DPF3: variants seen among roughly 807,000 people sequenced by gnomAD.
DPF3 encodes zinc finger protein DPF3.
In DPF3, 18 loss-of-function variants were observed where a neutral mutation model predicts 56.8. The observed-to-expected ratio is 0.32, with a 90% CI of 0.22 to 0.47. The LOEUF (loss-of-function observed/expected upper bound fraction) is 0.47. Ranked by LOEUF, DPF3 falls within the 20% of genes least tolerant of loss-of-function variation. DPF3 has a pLI of 1.00. For synonymous variants in DPF3, 188 were observed against 180.2 expected, an observed-to-expected ratio of 1.04 and a Z score of -0.35; for missense variants, 403 against 488.8, an observed-to-expected ratio of 0.82 and a Z score of 1.65.
intron 10 of DPF3, 145 bp from the exon 11 acceptor site, chr14:72,619,512 T>A (rs774213519): frequency 8.6e-5 from 77 of 895,738 alleles, no homozygotes; most frequent in Non-Finnish European, 1.3e-4. Flanking sequence ...CGTGCCAGAG[T>A]CTGTGGCTCA....
At chr14:72,794,766 T>C (rs915802833) in intron 1 of DPF3, among the ~76,000 whole-genome samples, 41 of 152,286 alleles carry the variant, frequency 2.7e-4, no homozygotes, top group African/African-American at 9.6e-4. Flanking sequence ...ATTTTACGGT[T>C]CTAGAGGTCA....
chr14:72,755,102 A>AT (rs1890738875), intron 2 of DPF3, among the ~76,000 whole-genome samples: 1 of 152,152 alleles, frequency 6.6e-6, no homozygotes, highest in Non-Finnish European at 1.5e-5. Flanking sequence ...CTCTCCCACC[A>AT]TGGCCATCTC....
chr14:72,858,978 C>T (rs1401000703), intron 1 of DPF3, among the ~76,000 whole-genome samples: 1 of 152,084 alleles, frequency 6.6e-6, no homozygotes, highest in Non-Finnish European at 1.5e-5. Context: ...TATATATGCA[C>T]ACACATACCT....
intron 7 of DPF3, among the ~76,000 whole-genome samples, chr14:72,676,972 G>A (rs1886938961): frequency 6.6e-6 from 1 of 152,168 alleles, no homozygotes. Context: ...GTAGAGCTAA[G>A]CAGGCAGTGA....
intron 1 of DPF3, among the ~76,000 whole-genome samples, chr14:72,842,094 A>AG (rs1372392947): frequency 1.3e-5 from 2 of 151,480 alleles, no homozygotes; most frequent in African/African-American, 2.4e-5. Context: ...CTCTAAGAAA[A>AG]AAAAAAAAAA....
At chr14:72,745,313 T>A (rs192737536) in intron 3 of DPF3, among the ~76,000 whole-genome samples, 209 of 152,292 alleles carry the variant, frequency 1.4e-3, no homozygotes, top group African/African-American at 4.9e-3. Flanking sequence ...ATCTTTAACA[T>A]CTCTCCATAT....
At chr14:72,733,672 G>A (rs896690712) in intron 3 of DPF3, among the ~76,000 whole-genome samples, 16 of 152,136 alleles carry the variant, frequency 1.1e-4, no homozygotes, top group African/African-American at 3.4e-4. Flanking sequence ...ACAGCCTACC[G>A]AGCTCCGAGC....
chr14:72,666,259 T>C (rs1319517131), intron 8 of DPF3, among the ~76,000 whole-genome samples: 1 of 152,216 alleles, frequency 6.6e-6, no homozygotes. Flanking sequence ...ACTTTAGTTC[T>C]CCCAGAAAGT....
intron 1 of DPF3, among the ~76,000 whole-genome samples, chr14:72,780,278 C>A (rs1360772343): frequency 6.6e-6 from 1 of 152,220 alleles, no homozygotes; most frequent in Non-Finnish European, 1.5e-5. Context: ...GTTATCTCTA[C>A]CAGTAGGGTT....
intron 9 of DPF3, among the ~76,000 whole-genome samples, chr14:72,623,595 T>C (rs1472893406): frequency 1.3e-5 from 2 of 152,220 alleles, no homozygotes; most frequent in African/African-American, 4.8e-5. Flanking sequence ...TTGGTATTAT[T>C]GAAGAGCAAG....
chr14:72,699,656 G>A (rs1454200277), intron 6 of DPF3, among the ~76,000 whole-genome samples: 1 of 152,068 alleles, frequency 6.6e-6, no homozygotes, highest in East Asian at 1.9e-4. Context: ...AACAGCTATT[G>A]AGTGTTTACC....
chr14:72,879,479 A>T (rs904667459), intron 1 of DPF3, among the ~76,000 whole-genome samples: 6 of 152,092 alleles, frequency 3.9e-5, no homozygotes, highest in African/African-American at 1.4e-4. Flanking sequence ...TCAGTGACTG[A>T]GAGAGAAGAG....
chr14:72,889,399 TGGA>T (rs1362888395), intron 1 of DPF3, among the ~76,000 whole-genome samples: 3 of 152,202 alleles, frequency 2.0e-5, no homozygotes, highest in African/African-American at 7.2e-5. Context: ...CAGAAGCAGA[TGGA>T]GAACAGGTTC....
At chr14:72,622,871 A>G (rs1371122876) in intron 9 of DPF3, among the ~76,000 whole-genome samples, 2 of 152,260 alleles carry the variant, frequency 1.3e-5, no homozygotes, top group Admixed American at 1.3e-4. Context: ...TCCTCCTCAA[A>G]GGCTCTGCCA....
intron 1 of DPF3, among the ~76,000 whole-genome samples, chr14:72,815,092 A>G (rs1883227698): frequency 6.6e-6 from 1 of 152,206 alleles, no homozygotes; most frequent in East Asian, 1.9e-4. Flanking sequence ...TATCTGATAA[A>G]GGATGTTTAG....
chr14:72,774,631 AAAAC>A (rs1891681099), intron 1 of DPF3, among the ~76,000 whole-genome samples: 1 of 152,224 alleles, frequency 6.6e-6, no homozygotes, highest in Non-Finnish European at 1.5e-5. Context: ...CATCCAAAAA[AAAAC>A]AAACAACAAA....
chr14:72,687,907 G>A (rs762149490), intron 7 of DPF3, among the ~76,000 whole-genome samples: 1 of 151,778 alleles, frequency 6.6e-6, no homozygotes, highest in Non-Finnish European at 1.5e-5. Context: ...AGGTCCCAAG[G>A]GATGCTAATG....
chr14:72,646,797 G>A (rs763397499), intron 8 of DPF3, among the ~76,000 whole-genome samples: 15 of 152,208 alleles, frequency 9.9e-5, no homozygotes, highest in East Asian at 1.9e-4. Flanking sequence ...CCATTTTGGC[G>A]ACCCGGCTGC....
At chr14:72,885,331 T>C (rs1177406847) in intron 1 of DPF3, among the ~76,000 whole-genome samples, 1 of 151,960 alleles carries the variant, frequency 6.6e-6, no homozygotes, top group African/African-American at 2.4e-5. Flanking sequence ...AGGTGGAGAA[T>C]GCCTATATTA....
Sources: allele counts gnomAD v4.1 joint callset (sites outside exome capture counted in the v4.1 genomes callset), GRCh38; gene constraint gnomAD v4.1.1; transcripts MANE v1.5; gene names NCBI Gene and HGNC (gene_info 2026-07-23, HGNC 2026-07-21).